The following LRIF1 variants were observed in gnomAD, a reference collection of about 807,000 sequenced individuals.
The protein encoded by LRIF1 is ligand dependent nuclear receptor interacting factor 1.
Under a neutral mutation model 52.7 loss-of-function variants are expected in LRIF1, and 32 were observed. That is an observed-to-expected ratio of 0.61 (90% CI 0.46 to 0.82). LRIF1 has a LOEUF of 0.82. Among genes scored for constraint, LRIF1 ranks in the 40% least tolerant of loss-of-function variants. LRIF1 has a pLI of 0.00. For synonymous variants in LRIF1, 323 were observed against 317.4 expected, an observed-to-expected ratio of 1.02 and a Z score of -0.19; for missense variants, 887 against 892.0, an observed-to-expected ratio of 0.99 and a Z score of 0.07.
the LRIF1 span, chr1:110,894,850 C>A: frequency 1.3e-6 from 1 of 786,892 alleles, no homozygotes; most frequent in South Asian, 1.5e-5. Flanking sequence ...CTGAGGAGAC[C>A]ATTTGGAAGG....
chr1:110,899,189 G>A, the LRIF1 span: 2 of 1,609,400 alleles, frequency 1.2e-6, no homozygotes, highest in Admixed American at 1.7e-5. Context: ...AGACCATAGG[G>A]CTATGATCTG....
intron 1 of LRIF1, among the ~76,000 whole-genome samples, chr1:110,955,066 TAAC>T (rs1658640385): frequency 6.6e-6 from 1 of 152,248 alleles, no homozygotes; most frequent in South Asian, 2.1e-4. Flanking sequence ...AATTCCCTTT[TAAC>T]ATTTTCATTC....
chr1:110,945,640 T>C (rs1298919529), downstream of LRIF1, among the ~76,000 whole-genome samples: 3 of 152,342 alleles, frequency 2.0e-5, no homozygotes, highest in Middle Eastern at 3.4e-3. Flanking sequence ...TTGGTCAGAC[T>C]GGTCTCAAAC....
chr1:110,962,315 AG>A (rs1658994717), intron 1 of LRIF1, among the ~76,000 whole-genome samples: 1 of 152,156 alleles, frequency 6.6e-6, no homozygotes, highest in Non-Finnish European at 1.5e-5. Flanking sequence ...AAAAGAAAAA[AG>A]AAAAAAACAC....
At chr1:110,925,370 C>T in the LRIF1 span, among the ~76,000 whole-genome samples, 2 of 152,188 alleles carry the variant, frequency 1.3e-5, no homozygotes, top group African/African-American at 4.8e-5. Context: ...AGATCTTGGG[C>T]ATGCCAGCCT....
At chr1:110,936,653 T>C in the LRIF1 span, 4 of 151,878 alleles carry the variant, frequency 2.6e-5, no homozygotes, top group Non-Finnish European at 2.9e-5. Context: ...AAAAACTACC[T>C]TCACTAAAGG....
At chr1:110,935,348 C>T in the LRIF1 span, among the ~76,000 whole-genome samples, 2 of 152,146 alleles carry the variant, frequency 1.3e-5, no homozygotes, top group African/African-American at 4.8e-5. Context: ...AATAAGGTAC[C>T]AAGGACTAAT....
chr1:110,875,321 A>G, the LRIF1 span, among the ~76,000 whole-genome samples: 1 of 152,192 alleles, frequency 6.6e-6, no homozygotes, highest in Non-Finnish European at 1.5e-5. Flanking sequence ...ATCGCTCACC[A>G]GGCAGGTCCT....
chr1:110,948,263 A>G lies in LRIF1; in HGVS notation c.2006T>C (p.Ile669Thr), dbSNP rs768378091. ...TTGTGACACATCTGAAGTTGGTAAA[A>G]TACTGCTTAGGAGTTGGGAACCGGT... ...NVTGSQLLSS[I>T]LPTSDVSQHN... The change falls in exon 4 of 4, where the codon ATT becomes ACT. Residue 669 changes from isoleucine (I) to threonine (T), a missense_variant. Physicochemically the swap from Ile to Thr is moderately conservative, Grantham distance 89 (BLOSUM62 -1). Coordinates refer to ENST00000369763, the MANE Select transcript of LRIF1 (RefSeq NM_018372.4). 6 of 1,614,094 alleles carry G rather than the reference A, an allele frequency of 3.7e-6. No homozygotes were observed. The highest frequency in any genetic ancestry group is 5.1e-6 in the Non-Finnish European group (6 of 1,179,998).
chr1:110,877,741 G>C, the LRIF1 span, among the ~76,000 whole-genome samples: 6 of 152,186 alleles, frequency 3.9e-5, no homozygotes, highest in African/African-American at 1.4e-4. Flanking sequence ...TAAGATAACA[G>C]ATATTCCTTG....
chr1:110,938,924 C>T, the LRIF1 span: 1 of 151,062 alleles, frequency 6.6e-6, no homozygotes, highest in African/African-American at 2.4e-5. Context: ...AAACAGTGAA[C>T]AATATGAAAA....
the LRIF1 span, chr1:110,896,591 T>C: frequency 1.3e-6 from 2 of 1,499,290 alleles, no homozygotes; most frequent in East Asian, 4.5e-5. Context: ...TCCTCTAAGG[T>C]CCACAGCTTT....
downstream of LRIF1, chr1:110,942,428 TTGAG>T: frequency 6.6e-6 from 1 of 152,258 alleles, no homozygotes; most frequent in South Asian, 2.1e-4. Context: ...CATTTCTCTA[TTGAG>T]TTTTTGGTCC....
chr1:110,953,531 T>C (rs1658569097), intron 1 of LRIF1, among the ~76,000 whole-genome samples: 1 of 152,198 alleles, frequency 6.6e-6, no homozygotes, highest in Non-Finnish European at 1.5e-5. Flanking sequence ...TTTCAATCAA[T>C]GTGGAACAGA....
At chr1:110,959,736 CAAAAAAAAAA>C in intron 1 of LRIF1, among the ~76,000 whole-genome samples, 1 of 56,360 alleles carries the variant, frequency 1.8e-5, no homozygotes, top group East Asian at 5.9e-4. Context: ...GACTCCATCT[CAAAAAAAAAA>C]AAAAAAAAAA....
chr1:110,929,755 C>G, the LRIF1 span, among the ~76,000 whole-genome samples: 1 of 152,042 alleles, frequency 6.6e-6, no homozygotes, highest in Non-Finnish European at 1.5e-5. Flanking sequence ...CAAACTAACG[C>G]AGGAACAGAA....
chr1:110,892,597 A>T, the LRIF1 span: 6 of 1,335,224 alleles, frequency 4.5e-6, no homozygotes, highest in Admixed American at 3.7e-5. Context: ...CCCAGGCAAG[A>T]TGTTTCTTGG....
the LRIF1 span, among the ~76,000 whole-genome samples, chr1:110,934,909 T>A: frequency 6.6e-6 from 1 of 152,218 alleles, no homozygotes; most frequent in Non-Finnish European, 1.5e-5. Context: ...GCTTCAGGTA[T>A]GACACAGCAT....
At chr1:110,879,414 T>A in the LRIF1 span, among the ~76,000 whole-genome samples, 1,112 of 152,352 alleles carry the variant, frequency 7.3e-3, 7 homozygotes, top group Middle Eastern at 0.037. Flanking sequence ...AGCTAGTGTT[T>A]ATCAAACTGT....
Sources: allele counts gnomAD v4.1 joint callset (sites outside exome capture counted in the v4.1 genomes callset), GRCh38; gene constraint gnomAD v4.1.1; transcripts MANE v1.5; gene names NCBI Gene and HGNC (gene_info 2026-07-23, HGNC 2026-07-21).